Variants in CTTNBP2 observed in about 807,000 individuals in gnomAD.
The protein encoded by CTTNBP2 is cortactin binding protein 2.
A neutral mutation model predicts 156.9 loss-of-function variants in CTTNBP2; 108 were observed. The ratio of observed to expected loss-of-function variants is 0.69; its 90% CI spans 0.59 to 0.81. CTTNBP2 has a LOEUF of 0.81. Among genes scored for constraint, CTTNBP2 ranks in the 30% least tolerant of loss-of-function variants. The pLI is 0.00. For synonymous variants in CTTNBP2, 767 were observed against 751.8 expected, an observed-to-expected ratio of 1.02 and a Z score of -0.33; for missense variants, 1,924 against 2,035.4, an observed-to-expected ratio of 0.95 and a Z score of 1.05.
chr7:117,802,454 A>C lies in CTTNBP2; in HGVS notation c.414+8311T>G, dbSNP rs886636478. ...AGCATTGGCAAAAAAAAAAAAAAAA[A>C]AAACAAAAACAAACAAACAAAAAAA... On this transcript the variant is annotated intron_variant, in intron 3 of 22. Coordinates refer to ENST00000160373, the MANE Select transcript of CTTNBP2 (RefSeq NM_033427.3). Among the ~76,000 whole-genome samples, 46 of 143,470 alleles carry C rather than the reference A, an allele frequency of 3.2e-4. 1 individual carries two copies. Among genetic ancestry groups the C allele is most frequent in the African/African-American group, 9.9e-4 (38 of 38,424 alleles). The allele number at this position is 143,470 out of a possible 152,430, so 94.1% of individuals were successfully genotyped here. A position where few individuals can be genotyped will look rare whatever the true frequency, so the allele number is the denominator to read the frequency against.
intron 7 of CTTNBP2, 23 bp from the exon 8 acceptor site, chr7:117,777,788 G>T: frequency 3.1e-6 from 5 of 1,596,134 alleles, no homozygotes; most frequent in Non-Finnish European, 4.3e-6. Flanking sequence ...TGACCAGGGG[G>T]AAAGGGTTGA....
rs142089340 is a variant in CTTNBP2, at chr7:117,718,053, T to C, written c.4711A>G (p.Thr1571Ala). The C allele has an allele frequency of 2.7e-3, 4,315 of 1,612,606 alleles. 5 individuals are homozygous for C. Among genetic ancestry groups the C allele is most frequent in the Non-Finnish European group, 3.4e-3 (4,013 of 1,178,746 alleles). The part of the protein sequence containing the change: ...SSGNNPVLSA[T>A]INNLRMPVSQ... ...ACTGGCATTCTCAGATTATTAATAG[T>C]TGCTGAAAGTACAGGGTTGTTTCCA... is the stretch of plus-strand genomic sequence containing the variant. Residue 1571 changes from threonine (T) to alanine (A), a missense_variant, in exon 22 of 23, where the codon ACT becomes GCT. Thr to Ala is a moderately conservative substitution (Grantham distance 58). Transcript: ENST00000160373.
intron 19 of CTTNBP2, among the ~76,000 whole-genome samples, chr7:117,721,512 A>T (rs1455528344): frequency 6.6e-6 from 1 of 152,210 alleles, no homozygotes; most frequent in Non-Finnish European, 1.5e-5. Flanking sequence ...CCTTTTGATG[A>T]TGGTAATCAC....
chr7:117,785,295 C>A (rs1423845963), intron 4 of CTTNBP2, among the ~76,000 whole-genome samples: 2 of 152,158 alleles, frequency 1.3e-5, no homozygotes, highest in Admixed American at 6.5e-5. Context: ...GTGAAATCGG[C>A]TGCATATAGC....
At position 117,822,880 on chromosome 7, in the gene CTTNBP2, CTA is replaced by C. The variant is rs558291709; in HGVS notation, c.190-11893_190-11892del. Among the ~76,000 whole-genome samples, 477 of 152,140 alleles carry C rather than the reference CTA, an allele frequency of 3.1e-3. 2 individuals carry two copies. Among genetic ancestry groups the C allele is most frequent in the Non-Finnish European group, 3.9e-3 (262 of 67,984 alleles). ...AGGTGGCTGAGGGTGTTTATGTTTT[CTA>C]TGTTTTTACTGAGTTTTCTAGCTGT... On this transcript the variant is annotated intron_variant, in intron 2 of 22. Coordinates refer to ENST00000160373, the MANE Select transcript of CTTNBP2 (RefSeq NM_033427.3).
intron 1 of CTTNBP2, among the ~76,000 whole-genome samples, chr7:117,867,270 C>T (rs1804261440): frequency 6.6e-6 from 1 of 152,126 alleles, no homozygotes; most frequent in African/African-American, 2.4e-5. Context: ...CCTCCATTCT[C>T]CTCTGATTCA....
Position 117,791,217 on chromosome 7 carries a change from G to C in CTTNBP2, c.1979C>G (p.Thr660Ser). 6.2e-7 allele frequency: 1 copy of C among 1,614,086 alleles called. No individual in the cohort carries two copies. Among genetic ancestry groups the C allele is most frequent in the East Asian group, 2.2e-5 (1 of 44,888 alleles). Residue 660 changes from threonine (T) to serine (S), a missense_variant, in exon 4 of 23, where the codon ACC becomes AGC. Physicochemically the swap from Thr to Ser is moderately conservative, Grantham distance 58 (BLOSUM62 1). Transcript: ENST00000160373. ...TATGGAAGAGCAAAAGGCAATGGTGGTAGGAATGACAAGGGAACTGTCTGA... is the reference window on the plus strand; with the variant it reads ...TATGGAAGAGCAAAAGGCAATGGTGCTAGGAATGACAAGGGAACTGTCTGA... ...ACSDSSLVIP[T>S]TIAFCSSINP...
rs1411986412 is a variant in CTTNBP2 at position 117,784,252 on chromosome 7, T to C, written c.2271A>G (p.Thr757=). The change falls in exon 5 of 23, where the codon ACA becomes ACG. Residue 757 remains threonine, a splice_region_variant and synonymous_variant. Transcript: ENST00000160373. ...ALYSAAKNGH[T]DCVRLLLSAE... is the part of the protein sequence containing the mutation. The stretch of plus-strand genomic sequence containing the variant: ...GGTATAAGATCTCGCCATATTTACC[T>C]GTATGTCCATTCTTAGCAGCAGAAT... 1.2e-6 allele frequency: 2 copies of C among 1,601,158 alleles called. No homozygotes were observed. The highest frequency in any genetic ancestry group is 1.7e-6 in the Non-Finnish European group (2 of 1,175,010).
chr7:117,727,061 T>G (rs530828123), intron 17 of CTTNBP2, among the ~76,000 whole-genome samples: 1 of 152,310 alleles, frequency 6.6e-6, no homozygotes, highest in East Asian at 1.9e-4. Context: ...GACATAATAA[T>G]GAAGAAAGTG....
In CTTNBP2 at chr7:117,791,413, T is replaced by A. The variant is rs1220815749; in HGVS notation, c.1783A>T (p.Asn595Tyr). 7 of 1,614,082 alleles carry A rather than the reference T, an allele frequency of 4.3e-6. No individual in the cohort carries two copies. Among genetic ancestry groups the A allele is most frequent in the Non-Finnish European group, 5.9e-6 (7 of 1,180,040 alleles). The change falls in exon 4 of 23, where the codon AAC becomes TAC. Residue 595 changes from asparagine to tyrosine, a missense_variant. Coordinates refer to ENST00000160373, the MANE Select transcript of CTTNBP2 (RefSeq NM_033427.3). Reference protein sequence around the residue: ...ASTPSSLPQGNRVINEENLPK... With the variant: ...ASTPSSLPQGYRVINEENLPK... ...AGGTTCTCCTCATTGATCACCCTGTTCCCTTGTGGCAAACTGGAAGGAGTC... is the reference window on the plus strand; with the variant it reads ...AGGTTCTCCTCATTGATCACCCTGTACCCTTGTGGCAAACTGGAAGGAGTC...
At chr7:117,731,867 GA>G (rs1795419936) in intron 16 of CTTNBP2, among the ~76,000 whole-genome samples, 1 of 152,182 alleles carries the variant, frequency 6.6e-6, no homozygotes, top group Admixed American at 6.5e-5. Flanking sequence ...ACACAAAATA[GA>G]GGGGCACGCA....
chr7:117,870,312 T>G (rs1434367358), intron 1 of CTTNBP2, among the ~76,000 whole-genome samples: 1 of 152,234 alleles, frequency 6.6e-6, no homozygotes, highest in Non-Finnish European at 1.5e-5. Flanking sequence ...GCTGCAACAC[T>G]TTCAACATTC....
In CTTNBP2 at chr7:117,728,071, A is replaced by C. The variant is rs561219963; in HGVS notation, c.4055+18T>G. 4 of 1,606,304 alleles carry C rather than the reference A, an allele frequency of 2.5e-6. No individual in the cohort carries two copies. In the African/African-American group the frequency reaches 5.3e-5, roughly 21 times the overall value. ...CGTCTCTATCATAAGCAGAAAGATA[A>C]GGAAAAATGGCACTTACTTCACTGT... On this transcript the variant is annotated intron_variant, in intron 17 of 22. Transcript: ENST00000160373.
At chr7:117,760,855 G>A (rs755724053) in intron 9 of CTTNBP2, 145 bp from the exon 10 acceptor site, 16 of 623,528 alleles carry the variant, frequency 2.6e-5, no homozygotes, top group Middle Eastern at 4.4e-4. Flanking sequence ...TACATTGAAC[G>A]TTCTTACACT....
intron 1 of CTTNBP2, among the ~76,000 whole-genome samples, chr7:117,870,049 T>C (rs777722458): frequency 6.6e-6 from 1 of 152,206 alleles, no homozygotes; most frequent in Admixed American, 6.5e-5. Flanking sequence ...TCAAATGTCA[T>C]CCTTCTATGG....
intron 22 of CTTNBP2, chr7:117,713,784 T>A (rs2116316803): frequency 6.6e-6 from 1 of 152,350 alleles, no homozygotes; most frequent in Non-Finnish European, 1.5e-5. Flanking sequence ...GGGGTCAGAT[T>A]TTCAGACTCA....
intron 2 of CTTNBP2, among the ~76,000 whole-genome samples, chr7:117,819,541 A>G (rs1174894098): frequency 3.3e-5 from 5 of 152,160 alleles, no homozygotes; most frequent in Admixed American, 1.3e-4. Flanking sequence ...GCCAGGAATG[A>G]AAAATAACTT....
intron 2 of CTTNBP2, among the ~76,000 whole-genome samples, chr7:117,851,553 C>G (rs1028431771): frequency 1.3e-5 from 2 of 152,220 alleles, no homozygotes; most frequent in Non-Finnish European, 2.9e-5. Context: ...CCCTTAGACA[C>G]TGTTTTTACC....
At chr7:117,795,829 G>A (rs375986771) in intron 3 of CTTNBP2, among the ~76,000 whole-genome samples, 7 of 152,208 alleles carry the variant, frequency 4.6e-5, no homozygotes, top group African/African-American at 1.7e-4. Context: ...AAAGTTTACC[G>A]CAGAGAGCAG....
Sources: gnomAD v4.1 joint callset for allele counts (sites outside exome capture counted in the v4.1 genomes callset) on GRCh38, gnomAD v4.1.1 for gene constraint, MANE v1.5 for transcripts, NCBI Gene and HGNC (gene_info 2026-07-23, HGNC 2026-07-21) for gene names.